The following RALGAPA1 variants were observed in gnomAD, a reference collection of about 807,000 sequenced individuals.
The protein encoded by RALGAPA1 is ral GTPase-activating protein subunit alpha-1.
In RALGAPA1, 52 loss-of-function variants were observed where a neutral mutation model predicts 269.6. That is an observed-to-expected ratio of 0.19 (90% CI 0.15 to 0.24). The LOEUF (loss-of-function observed/expected upper bound fraction) is 0.24, where lower values mean the gene tolerates loss of function less well. Ranked by LOEUF, RALGAPA1 falls within the 10% of genes least tolerant of loss-of-function variation. The pLI is 1.00. For synonymous variants in RALGAPA1, 817 were observed against 1,008.3 expected, an observed-to-expected ratio of 0.81 and a Z score of 3.60; for missense variants, 1,917 against 3,013.9, an observed-to-expected ratio of 0.64 and a Z score of 8.52.
chr14:35,772,863 A>G (rs933117849), intron 3 of RALGAPA1, among the ~76,000 whole-genome samples: 3 of 152,154 alleles, frequency 2.0e-5, no homozygotes, highest in Admixed American at 6.6e-5. Context: ...TGACATGCAT[A>G]TTTTATATTT....
chr14:35,607,133 C>T (rs1191710708), intron 35 of RALGAPA1, among the ~76,000 whole-genome samples: 1 of 152,152 alleles, frequency 6.6e-6, no homozygotes, highest in Non-Finnish European at 1.5e-5. Flanking sequence ...GTATATTGTC[C>T]TAAAGTCATA....
chr14:35,644,355 T>C (rs1325995734), intron 31 of RALGAPA1, among the ~76,000 whole-genome samples: 1 of 152,062 alleles, frequency 6.6e-6, no homozygotes, highest in Non-Finnish European at 1.5e-5. Flanking sequence ...AAAACAATCA[T>C]AGGATGGATG....
At chr14:35,609,151 T>TG (rs1484254281) in intron 35 of RALGAPA1, among the ~76,000 whole-genome samples, 1 of 150,000 alleles carries the variant, frequency 6.7e-6, no homozygotes, top group Non-Finnish European at 1.5e-5. Flanking sequence ...GGCGTGAACT[T>TG]GGGAGGCAGA....
intron 39 of RALGAPA1, among the ~76,000 whole-genome samples, chr14:35,554,364 T>TTTTTTG: frequency 1.7e-5 from 2 of 118,494 alleles, no homozygotes; most frequent in Admixed American, 1.6e-4. Flanking sequence ...TTTTTTTTTT[T>TTTTTTG]GAGACGGAGT....
chr14:35,733,439 T>G (rs566528685), intron 12 of RALGAPA1, among the ~76,000 whole-genome samples: 1 of 152,110 alleles, frequency 6.6e-6, no homozygotes, highest in Non-Finnish European at 1.5e-5. Context: ...ATCGCACCAC[T>G]GCACTCCAGC....
intron 1 of RALGAPA1, among the ~76,000 whole-genome samples, chr14:35,796,555 A>G (rs1339317392): frequency 6.6e-6 from 1 of 152,200 alleles, no homozygotes; most frequent in Admixed American, 6.5e-5. Context: ...GCCAAGAAAT[A>G]TGAAAAATAA....
intron 24 of RALGAPA1, among the ~76,000 whole-genome samples, 169 bp from the exon 25 acceptor site, chr14:35,673,191 G>A (rs1265695471): frequency 6.6e-6 from 1 of 152,176 alleles, no homozygotes; most frequent in Non-Finnish European, 1.5e-5. Flanking sequence ...CATCCAAAAT[G>A]ATACAATGTA....
intron 31 of RALGAPA1, among the ~76,000 whole-genome samples, chr14:35,648,228 C>T (rs2062581911): frequency 6.6e-6 from 1 of 151,546 alleles, no homozygotes; most frequent in Admixed American, 6.6e-5. Context: ...ACCCAGGAGA[C>T]GGAGGTTGCA....
At chr14:35,641,904 T>C (rs903723923) in intron 31 of RALGAPA1, among the ~76,000 whole-genome samples, 6 of 152,102 alleles carry the variant, frequency 3.9e-5, no homozygotes, top group Non-Finnish European at 5.9e-5. Flanking sequence ...AACTGACACA[T>C]AGACCAATGG....
At chr14:35,608,378 A>C (rs2059714716) in intron 35 of RALGAPA1, among the ~76,000 whole-genome samples, 1 of 152,238 alleles carries the variant, frequency 6.6e-6, no homozygotes, top group East Asian at 1.9e-4. Context: ...ATTTTTAAAA[A>C]ATCTGAGCAT....
At chr14:35,795,913 G>A (rs1223253058) in intron 1 of RALGAPA1, among the ~76,000 whole-genome samples, 4 of 151,922 alleles carry the variant, frequency 2.6e-5, no homozygotes, top group Non-Finnish European at 4.4e-5. Context: ...GAGCCCAGGA[G>A]GTTGTGACAG....
chr14:35,600,258 G>T (rs1471785469), intron 36 of RALGAPA1, among the ~76,000 whole-genome samples: 3 of 116,500 alleles, frequency 2.6e-5, no homozygotes, highest in African/African-American at 4.0e-5. Context: ...TTGAGACAGG[G>T]TCTGCTCTAT....
intron 25 of RALGAPA1, 76 bp downstream of exon 25, chr14:35,672,791 A>T: frequency 7.5e-7 from 1 of 1,327,442 alleles, no homozygotes; most frequent in African/African-American, 1.6e-5. Flanking sequence ...TTAAAAAGCA[A>T]GAGTTAAACA....
At chr14:35,659,633 C>G (rs1260650289) in intron 27 of RALGAPA1, among the ~76,000 whole-genome samples, 1 of 151,830 alleles carries the variant, frequency 6.6e-6, no homozygotes, top group East Asian at 1.9e-4. Context: ...GAGGCCAGCA[C>G]TACCCTGACA....
chr14:35,609,323 AAGT>A (rs1369813354), intron 35 of RALGAPA1, among the ~76,000 whole-genome samples: 1 of 152,178 alleles, frequency 6.6e-6, no homozygotes, highest in Non-Finnish European at 1.5e-5. Flanking sequence ...AATGGAATGA[AAGT>A]AGAAATCAAT....
At chr14:35,759,563 T>C (rs1037685212) in intron 6 of RALGAPA1, among the ~76,000 whole-genome samples, 1 of 150,832 alleles carries the variant, frequency 6.6e-6, no homozygotes, top group African/African-American at 2.4e-5. Context: ...AATAACAGGA[T>C]TCGTACACGA....
At chr14:35,602,452 T>C (rs1249896979) in intron 36 of RALGAPA1, among the ~76,000 whole-genome samples, 2 of 152,236 alleles carry the variant, frequency 1.3e-5, no homozygotes, top group African/African-American at 2.4e-5. Flanking sequence ...AGGGTTCAGA[T>C]TGCTCCTAAT....
chr14:35,677,966 C>G lies in RALGAPA1; in HGVS notation c.4608G>C (p.Gln1536His). ...AAATATTGCCTAGATCATCTGGTGT[C>G]TGAAGAACAGAGTGGTGGAGCTTCT... ...LDEKLHHSVL[Q>H]TPDDLEISEF... is the part of the protein sequence containing the mutation. The change falls in exon 22 of 42, where the codon CAG becomes CAC. Residue 1536 changes from glutamine to histidine, a missense_variant. Coordinates refer to ENST00000680220, the MANE Select transcript of RALGAPA1 (RefSeq NM_001346249.2). 5.0e-6 allele frequency: 8 copies of G among 1,613,530 alleles called. No individual in the cohort carries two copies. Among genetic ancestry groups the G allele is most frequent in the Non-Finnish European group, 6.8e-6 (8 of 1,179,840 alleles).
At chr14:35,635,620 T>G in intron 31 of RALGAPA1, 22 bp from the exon 32 acceptor site, 3 of 1,524,392 alleles carry the variant, frequency 2.0e-6, no homozygotes, top group Non-Finnish European at 2.6e-6. Flanking sequence ...ATAGAATCAT[T>G]ATAATTGTAC....
Sources: allele counts gnomAD v4.1 joint callset (sites outside exome capture counted in the v4.1 genomes callset), GRCh38; gene constraint gnomAD v4.1.1; transcripts MANE v1.5; gene names NCBI Gene and HGNC (gene_info 2026-07-23, HGNC 2026-07-21).